Variants in SH3RF3 observed in about 807,000 individuals in gnomAD.
SH3RF3 encodes SH3 domain containing ring finger 3.
Under a neutral mutation model 66.3 loss-of-function variants are expected in SH3RF3, and 29 were observed. The ratio of observed to expected loss-of-function variants is 0.44; its 90% confidence interval spans 0.33 to 0.60. SH3RF3 has a LOEUF of 0.60. Ranked by LOEUF, SH3RF3 falls within the 20% of genes least tolerant of loss-of-function variation. SH3RF3 has a pLI of 0.04. For synonymous variants in SH3RF3, 583 were observed against 532.0 expected, an observed-to-expected ratio of 1.10 and a Z score of -1.32; for missense variants, 1,194 against 1,190.9, an observed-to-expected ratio of 1.00 and a Z score of -0.04.
intron 8 of SH3RF3, among the ~76,000 whole-genome samples, chr2:109,474,449 G>C (rs879790118): frequency 9.2e-5 from 14 of 152,208 alleles, no homozygotes; most frequent in Non-Finnish European, 1.6e-4. Context: ...GCTCGCTACT[G>C]ATGGGAACCT....
intron 1 of SH3RF3, among the ~76,000 whole-genome samples, chr2:109,222,792 A>C (rs1473729152): frequency 1.3e-5 from 2 of 152,238 alleles, no homozygotes; most frequent in Non-Finnish European, 2.9e-5. Context: ...TGGTTTGCTA[A>C]AAGACAAAAC....
chr2:109,139,412 G>A (rs1676885844), intron 1 of SH3RF3, among the ~76,000 whole-genome samples: 1 of 152,080 alleles, frequency 6.6e-6, no homozygotes, highest in Admixed American at 6.6e-5. Flanking sequence ...CAGTATGAAA[G>A]GTGAATGCTC....
chr2:109,375,878 C>T (rs530398362), intron 3 of SH3RF3, among the ~76,000 whole-genome samples: 6 of 152,354 alleles, frequency 3.9e-5, no homozygotes, highest in South Asian at 2.1e-4. Context: ...CAGTTCAGGG[C>T]GATGCGGGCT....
Position 109,502,044 on chromosome 2 carries a change from G to A in SH3RF3, c.*373G>A, listed in dbSNP as rs1191456852. The A allele has an allele frequency of 9.5e-6, 2 of 209,558 alleles. No homozygotes were observed. The highest frequency in any genetic ancestry group is 5.1e-5 in the Admixed American group (1 of 19,580). 13.0% of individuals were successfully genotyped at this position (209,558 alleles called of 1,614,324 possible). On this transcript the variant is annotated 3_prime_UTR_variant, in exon 10 of 10. Transcript: ENST00000309415. Reference sequence around the variant, plus strand: ...TGGAGGTTGCAGGAGGTCTGCAGGCGAGGTGGGTGGCATGGGGGCCAGGAG... The same window carrying A: ...TGGAGGTTGCAGGAGGTCTGCAGGCAAGGTGGGTGGCATGGGGGCCAGGAG...
intron 1 of SH3RF3, among the ~76,000 whole-genome samples, chr2:109,226,047 C>T (rs575045823): frequency 6.6e-6 from 1 of 152,316 alleles, no homozygotes; most frequent in East Asian, 1.9e-4. Flanking sequence ...ATAGGCCTGA[C>T]CCTGAACAAC....
intron 2 of SH3RF3, among the ~76,000 whole-genome samples, chr2:109,358,114 T>C (rs557887763): frequency 2.6e-5 from 4 of 152,248 alleles, no homozygotes; most frequent in Non-Finnish European, 5.9e-5. Context: ...GTTTTTCCTT[T>C]CCCAGAACGT....
At chr2:109,145,411 T>C (rs1677071433) in intron 1 of SH3RF3, among the ~76,000 whole-genome samples, 1 of 152,206 alleles carries the variant, frequency 6.6e-6, no homozygotes, top group Non-Finnish European at 1.5e-5. Flanking sequence ...TGTTCATTCC[T>C]GCTGTTGGCT....
intron 1 of SH3RF3, among the ~76,000 whole-genome samples, chr2:109,331,799 A>AT (rs947648854): frequency 3.9e-5 from 6 of 152,274 alleles, no homozygotes; most frequent in African/African-American, 1.4e-4. Context: ...TATTAAGATG[A>AT]TTTTTTAAAA....
At chr2:109,164,959 T>G (rs1224165323) in intron 1 of SH3RF3, among the ~76,000 whole-genome samples, 1 of 152,162 alleles carries the variant, frequency 6.6e-6, no homozygotes, top group Non-Finnish European at 1.5e-5. Flanking sequence ...GAGGTCGTAA[T>G]TGTTTTTCTT....
chr2:109,450,744 G>A (rs937498405), intron 8 of SH3RF3, among the ~76,000 whole-genome samples: 4 of 152,228 alleles, frequency 2.6e-5, no homozygotes, highest in Admixed American at 2.0e-4. Context: ...TGCACTGCCT[G>A]AGGCTGTATC....
intron 7 of SH3RF3, among the ~76,000 whole-genome samples, chr2:109,442,469 C>T (rs753804403): frequency 9.9e-5 from 15 of 152,158 alleles, no homozygotes; most frequent in Non-Finnish European, 1.8e-4. Flanking sequence ...AAGATGTTTT[C>T]TTATTATTTG....
intron 1 of SH3RF3, among the ~76,000 whole-genome samples, chr2:109,153,289 A>T (rs1677264499): frequency 6.6e-6 from 1 of 152,226 alleles, no homozygotes; most frequent in African/African-American, 2.4e-5. Context: ...TTAAGCTGTC[A>T]CTGGAAACCC....
At chr2:109,401,580 C>G (rs1676315020) in intron 4 of SH3RF3, among the ~76,000 whole-genome samples, 1 of 152,184 alleles carries the variant, frequency 6.6e-6, no homozygotes, top group African/African-American at 2.4e-5. Context: ...CTCGGTGTTC[C>G]TTGGAGTTCT....
chr2:109,434,967 A>T (rs755812226), intron 6 of SH3RF3, among the ~76,000 whole-genome samples: 4 of 152,190 alleles, frequency 2.6e-5, no homozygotes, highest in African/African-American at 4.8e-5. Context: ...ACACTGGAGC[A>T]CTTAGAGTGG....
At chr2:109,391,592 C>T (rs1410105476) in intron 3 of SH3RF3, among the ~76,000 whole-genome samples, 1 of 152,210 alleles carries the variant, frequency 6.6e-6, no homozygotes, top group East Asian at 1.9e-4. Context: ...GTGGCCACGG[C>T]TTGTGGCCGG....
At position 109,490,821 on chromosome 2, in the gene SH3RF3, G is replaced by C; in HGVS notation, c.2365G>C (p.Glu789Gln). The change falls in exon 9 of 10, where the codon GAG (glutamate) becomes CAG (glutamine). Residue 789 changes from glutamate (E) to glutamine (Q), a missense_variant. Coordinates refer to ENST00000309415, the MANE Select transcript of SH3RF3 (RefSeq NM_001099289.3). ...CGAGATGCAGGGTGCCATGGGGATGGAGCCTCTGCACAGGAAGGCAGGCTC... is the reference window on the plus strand; with the variant it reads ...CGAGATGCAGGGTGCCATGGGGATGCAGCCTCTGCACAGGAAGGCAGGCTC... The part of the protein sequence containing the change: ...ESEMQGAMGM[E>Q]PLHRKAGSLD... The C allele has an allele frequency of 6.5e-7, 1 of 1,536,990 alleles. No individual in the cohort carries two copies. The highest frequency in any genetic ancestry group is 1.2e-5 in the South Asian group (1 of 84,044).
chr2:109,223,654 C>T (rs1024393636), intron 1 of SH3RF3, among the ~76,000 whole-genome samples: 1 of 152,180 alleles, frequency 6.6e-6, no homozygotes. Flanking sequence ...CCCTGCACCT[C>T]TCCATGGCTC....
intron 1 of SH3RF3, among the ~76,000 whole-genome samples, chr2:109,275,686 G>A (rs1023409482): frequency 2.0e-5 from 3 of 152,100 alleles, no homozygotes; most frequent in South Asian, 2.1e-4. Flanking sequence ...TGATTAGCGC[G>A]TCCTTTTAAA....
chr2:109,348,263 C>T (rs1378318258), intron 2 of SH3RF3, among the ~76,000 whole-genome samples: 2 of 152,218 alleles, frequency 1.3e-5, no homozygotes, highest in Non-Finnish European at 2.9e-5. Context: ...TGAGTCATGG[C>T]TCTAAGCGCT....
Sources: allele counts gnomAD v4.1 joint callset (sites outside exome capture counted in the v4.1 genomes callset), GRCh38; gene constraint gnomAD v4.1.1; transcripts MANE v1.5; gene names NCBI Gene and HGNC (gene_info 2026-07-23, HGNC 2026-07-21).